CREBBP: variants seen among roughly 807,000 people sequenced by gnomAD.
CREBBP encodes CREB binding lysine acetyltransferase.
Under a neutral mutation model 265.0 loss-of-function variants are expected in CREBBP, and 19 were observed. The ratio of observed to expected loss-of-function variants is 0.07; its 90% CI spans 0.05 to 0.11. The LOEUF (loss-of-function observed/expected upper bound fraction) is 0.11, where lower values mean the gene tolerates loss of function less well. Ranked by LOEUF, CREBBP falls within the 10% of genes least tolerant of loss-of-function variation. The probability of loss-of-function intolerance (pLI) is 1.00; values close to 1 mark genes in which losing one functional copy is unlikely to be tolerated. For synonymous variants in CREBBP, 1,457 were observed against 1,223.7 expected (o/e 1.19, Z -3.98); for missense variants, 2,525 against 3,219.0 (o/e 0.78, Z 5.22).
At chr16:3,867,064 A>G (rs1040053162) in intron 1 of CREBBP, among the ~76,000 whole-genome samples, 2 of 152,196 alleles carry the variant, frequency 1.3e-5, no homozygotes, top group African/African-American at 2.4e-5. Context: ...CCTACCCATC[A>G]AGAAACTTTA....
intron 2 of CREBBP, among the ~76,000 whole-genome samples, chr16:3,843,603 T>TA (rs1452344297): frequency 1.3e-5 from 2 of 151,992 alleles, no homozygotes; most frequent in East Asian, 3.9e-4. Context: ...AAATTTTTTT[T>TA]AAAGATAGGG....
chr16:3,787,654 TTTTTG>T (rs372061391), intron 5 of CREBBP, among the ~76,000 whole-genome samples: 28 of 151,884 alleles, frequency 1.8e-4, no homozygotes, highest in African/African-American at 5.5e-4. Flanking sequence ...TTGTTTTGGT[TTTTTG>T]TTTTGTTTTG....
chr16:3,843,543 C>T (rs2054605860), intron 2 of CREBBP, among the ~76,000 whole-genome samples: 1 of 151,548 alleles, frequency 6.6e-6, no homozygotes, highest in East Asian at 1.9e-4. Flanking sequence ...GCTTCAGCCT[C>T]CTGAGTAGCT....
intron 2 of CREBBP, among the ~76,000 whole-genome samples, chr16:3,811,578 A>G (rs1345536603): frequency 6.6e-6 from 1 of 151,924 alleles, no homozygotes; most frequent in Non-Finnish European, 1.5e-5. Context: ...GCCAACCTCT[A>G]CCGCCTGGGT....
In CREBBP at chr16:3,782,739, G is replaced by T; in HGVS notation, c.1518C>A (p.Gly506=). The T allele has an allele frequency of 1.2e-6, 2 of 1,614,194 alleles. No homozygotes were observed. Among genetic ancestry groups the T allele is most frequent in the Non-Finnish European group, 1.7e-6 (2 of 1,180,026 alleles). The change falls in exon 6 of 31, where the codon GGC becomes GGA. Residue 506 remains glycine, a synonymous_variant. Coordinates refer to ENST00000262367, the MANE Select transcript of CREBBP (RefSeq NM_004380.3). ...GGGTTTGAGGCTGTGCTGGTTGCTGGCCAGGAACCTGAGGCTGCAGCTGCG... is the reference window on the plus strand; with the variant it reads ...GGGTTTGAGGCTGTGCTGGTTGCTGTCCAGGAACCTGAGGCTGCAGCTGCG... ...PQTQLQPQVP[G]QQPAQPQTHQ...
chr16:3,799,687 A>C (rs904387871), intron 3 of CREBBP, among the ~76,000 whole-genome samples: 1 of 152,248 alleles, frequency 6.6e-6, no homozygotes, highest in African/African-American at 2.4e-5. Context: ...CTAATTAAAC[A>C]TCCTATGGCT....
intron 16 of CREBBP, among the ~76,000 whole-genome samples, chr16:3,760,028 T>C (rs2052676468): frequency 6.6e-6 from 1 of 152,202 alleles, no homozygotes; most frequent in Admixed American, 6.5e-5. Flanking sequence ...GGCAAAGATG[T>C]CTCAGGCATT....
At chr16:3,871,295 G>A (rs964909562) in intron 1 of CREBBP, among the ~76,000 whole-genome samples, 2 of 151,984 alleles carry the variant, frequency 1.3e-5, no homozygotes, top group African/African-American at 4.8e-5. Context: ...GCCGAGCTGG[G>A]AGCTGGGACT....
chr16:3,816,983 AG>A (rs1405116530), intron 2 of CREBBP, among the ~76,000 whole-genome samples: 2 of 152,364 alleles, frequency 1.3e-5, no homozygotes, highest in South Asian at 2.1e-4. Flanking sequence ...AAGAGGCAGC[AG>A]GAACAGTGCC....
chr16:3,879,958 G>A lies in CREBBP; in HGVS notation c.-42C>T, dbSNP rs1201707320. On this transcript the variant is annotated 5_prime_UTR_variant, in exon 1 of 31. Transcript: ENST00000262367. ...AAACAGCCCCGGGCACGGGCGGCCGGGCCGGCGAGGGCCCGGACGGGGGTC... is the reference window on the plus strand; with the variant it reads ...AAACAGCCCCGGGCACGGGCGGCCGAGCCGGCGAGGGCCCGGACGGGGGTC... The A allele has an allele frequency of 1.0e-5, 16 of 1,574,066 alleles. No homozygotes were observed. Among genetic ancestry groups the A allele is most frequent in the East Asian group, 2.3e-5 (1 of 43,614 alleles).
chr16:3,856,287 C>T (rs1230793572), intron 1 of CREBBP, among the ~76,000 whole-genome samples: 1 of 152,132 alleles, frequency 6.6e-6, no homozygotes, highest in Non-Finnish European at 1.5e-5. Flanking sequence ...CCACAAACAG[C>T]TCATTTTTTA....
chr16:3,773,673 A>T, intron 13 of CREBBP, 78 bp downstream of exon 13: 1 of 1,453,486 alleles, frequency 6.9e-7, no homozygotes, highest in Non-Finnish European at 9.5e-7. Context: ...TCCACGAAGG[A>T]AGACAGAAAA....
chr16:3,799,044 A>C (rs1349989358), intron 3 of CREBBP, among the ~76,000 whole-genome samples: 1 of 152,260 alleles, frequency 6.6e-6, no homozygotes, highest in Non-Finnish European at 1.5e-5. Context: ...AACTCCGAAA[A>C]CATGCTTCGT....
At position 3,850,532 on chromosome 16, in the gene CREBBP, A is replaced by C; in HGVS notation, c.563T>G (p.Leu188Arg). Residue 188 changes from leucine to arginine, a missense_variant, in exon 2 of 31, where the codon CTC (leucine) becomes CGC (arginine). Transcript: ENST00000262367. ...GCTATGGCCAGAGTTACTATTGAGG[A>C]GGCCTGGGTGGGTCTGGTTAAAGTT... ...NANFNQTHPGLLNSNSGHSLI... is the reference protein window; with the variant it reads ...NANFNQTHPGRLNSNSGHSLI... 6.2e-7 allele frequency: 1 copy of C among 1,614,222 alleles called. No individual in the cohort carries two copies. Among genetic ancestry groups the C allele is most frequent in the Non-Finnish European group, 8.5e-7 (1 of 1,180,042 alleles).
chr16:3,790,784 C>T (rs530472435), intron 5 of CREBBP, among the ~76,000 whole-genome samples: 9 of 152,308 alleles, frequency 5.9e-5, no homozygotes, highest in Non-Finnish European at 1.0e-4. Context: ...AGCGTCAGCT[C>T]GCTGCCTACT....
Position 3,758,867 on chromosome 16 carries a change from A to T in CREBBP, c.3356T>A (p.Leu1119His). 1 of 1,611,498 alleles carries T rather than the reference A, an allele frequency of 6.2e-7. No homozygotes were observed. The highest frequency in any genetic ancestry group is 8.5e-7 in the Non-Finnish European group (1 of 1,178,970). Residue 1119 changes from leucine (L) to histidine (H), a missense_variant, in exon 17 of 31, where the codon CTC (leucine) becomes CAC (histidine). Around this residue, in one of 19 missense-constraint regions of CREBBP, gnomAD observed 252 missense variants for 452.5 expected, o/e 0.56. Transcript: ENST00000262367. Reference protein sequence around the residue: ...LPFRQPVDPQLLGIPDYFDIV... With the variant: ...LPFRQPVDPQHLGIPDYFDIV... ...GAATTAACTTACTGGAATTCCGAGG[A>T]GCTGGGGATCTACAGGCTGCCGGAA...
chr16:3,749,448 G>C (rs1024963448), intron 21 of CREBBP, among the ~76,000 whole-genome samples, 179 bp downstream of exon 21: 2 of 152,144 alleles, frequency 1.3e-5, no homozygotes, highest in Admixed American at 6.5e-5. Context: ...ATGTTACAGA[G>C]ACATACATAT....
At chr16:3,745,659 G>T (rs1214733555) in intron 21 of CREBBP, 2 of 443,398 alleles carry the variant, frequency 4.5e-6, no homozygotes, top group Non-Finnish European at 8.4e-6. Flanking sequence ...TATTTCACAG[G>T]CCGGTATTTC....
chr16:3,807,618 G>A (rs568279695), intron 3 of CREBBP, among the ~76,000 whole-genome samples: 11 of 152,278 alleles, frequency 7.2e-5, no homozygotes, highest in Admixed American at 1.3e-4. Flanking sequence ...CATGACCTCA[G>A]AACATAACTG....
Sources: allele counts gnomAD v4.1 joint callset (sites outside exome capture counted in the v4.1 genomes callset), GRCh38; gene constraint gnomAD v4.1.1; regional missense constraint gnomAD v4.1.1; transcripts MANE v1.5; gene names NCBI Gene and HGNC (gene_info 2026-07-23, HGNC 2026-07-21).